The following GPATCH2 variants were observed in gnomAD, a reference collection of about 807,000 sequenced individuals.
The protein encoded by GPATCH2 is G patch domain-containing protein 2.
A neutral mutation model predicts 58.0 loss-of-function variants in GPATCH2; 51 were observed. The observed-to-expected ratio is 0.88, with a 90% CI of 0.70 to 1.11. The LOEUF (loss-of-function observed/expected upper bound fraction) is 1.11, where lower values mean the gene tolerates loss of function less well. Ranked by LOEUF, GPATCH2 falls within the 50% of genes most tolerant of loss-of-function variation. GPATCH2 has a pLI of 0.00. For synonymous variants in GPATCH2, 222 were observed against 218.5 expected (o/e 1.02, Z -0.14); for missense variants, 625 against 652.2 (o/e 0.96, Z 0.45).
intron 5 of GPATCH2, among the ~76,000 whole-genome samples, chr1:217,601,030 C>T (rs1323844343): frequency 6.6e-6 from 1 of 151,950 alleles, no homozygotes; most frequent in South Asian, 2.1e-4. Flanking sequence ...TATGCAAATA[C>T]TAAAGTGAGA....
chr1:217,501,049 C>G (rs1662275589), intron 6 of GPATCH2, among the ~76,000 whole-genome samples: 1 of 152,112 alleles, frequency 6.6e-6, no homozygotes, highest in South Asian at 2.1e-4. Context: ...TTTATTACTA[C>G]AACGATCCTT....
At chr1:217,565,858 T>G (rs1025309571) in intron 5 of GPATCH2, among the ~76,000 whole-genome samples, 1 of 152,108 alleles carries the variant, frequency 6.6e-6, no homozygotes, top group African/African-American at 2.4e-5. Context: ...TCCCAGCAGT[T>G]TGGGAGGCCC....
chr1:217,494,092 T>C (rs988262970), intron 7 of GPATCH2, among the ~76,000 whole-genome samples: 4 of 152,220 alleles, frequency 2.6e-5, no homozygotes, highest in Non-Finnish European at 4.4e-5. Flanking sequence ...TTAAATGAGA[T>C]AGCACCCTCT....
chr1:217,432,813 C>T (rs1571689768), intron 9 of GPATCH2, among the ~76,000 whole-genome samples: 1 of 152,270 alleles, frequency 6.6e-6, no homozygotes, highest in East Asian at 1.9e-4. Flanking sequence ...ATATTCGGCC[C>T]AGTCCAATCT....
rs568325918 is a variant in GPATCH2, at chr1:217,535,655, T to G, written c.1099-20766A>C. Among the ~76,000 whole-genome samples, 50 of 152,248 alleles carry G rather than the reference T, an allele frequency of 3.3e-4. No individual in the cohort carries two copies. The South Asian group carries it at 9.9e-3, about 30-fold the overall frequency. ...CGTGAGCCACTGCGCCCGGCCAAGT[T>G]AATGTACAAGATTGTTTTAAGTAAA... On this transcript the variant is annotated intron_variant, in intron 5 of 9. Coordinates refer to ENST00000366935, the MANE Select transcript of GPATCH2 (RefSeq NM_018040.5).
chr1:217,479,252 T>C (rs1253558374), intron 8 of GPATCH2, among the ~76,000 whole-genome samples: 1 of 152,126 alleles, frequency 6.6e-6, no homozygotes, highest in Non-Finnish European at 1.5e-5. Context: ...ACACTGTAAT[T>C]ATGATGTCTA....
intron 9 of GPATCH2, among the ~76,000 whole-genome samples, chr1:217,445,287 T>C (rs180966236): frequency 3.7e-4 from 56 of 152,264 alleles, no homozygotes; most frequent in African/African-American, 1.1e-3. Context: ...TGAATTTTCA[T>C]ACTGTACAGT....
At chr1:217,516,109 T>C (rs554311712) in intron 5 of GPATCH2, among the ~76,000 whole-genome samples, 2 of 152,110 alleles carry the variant, frequency 1.3e-5, no homozygotes, top group African/African-American at 4.8e-5. Flanking sequence ...TTTCACAACT[T>C]TCTTATCATA....
intron 5 of GPATCH2, among the ~76,000 whole-genome samples, chr1:217,529,880 G>C (rs1471232252): frequency 6.6e-6 from 1 of 152,166 alleles, no homozygotes; most frequent in Admixed American, 6.5e-5. Flanking sequence ...CTCATGAATA[G>C]AGGAATTATC....
In GPATCH2 at chr1:217,428,763, A is replaced by C. The variant is rs1237680606; in HGVS notation, c.*2382T>G. ...TGTCTTCTATTAGCTGAAAATACAAAGAAGAATTTTTTTAGGTGTTAGAGA... is the reference window on the plus strand; with the variant it reads ...TGTCTTCTATTAGCTGAAAATACAACGAAGAATTTTTTTAGGTGTTAGAGA... On this transcript the variant is annotated 3_prime_UTR_variant, in exon 10 of 10. Coordinates refer to ENST00000366935, the MANE Select transcript of GPATCH2 (RefSeq NM_018040.5). 6.6e-6 allele frequency: 1 copy of C among 152,216 alleles called. No homozygotes were observed. Among genetic ancestry groups the C allele is most frequent in the Non-Finnish European group, 1.5e-5 (1 of 68,028 alleles). The allele number at this position is 152,216 out of a possible 1,614,324, so 9.4% of individuals were successfully genotyped here. A position where few individuals can be genotyped will look rare whatever the true frequency, so the allele number is the denominator to read the frequency against.
In GPATCH2 at chr1:217,620,258, T is replaced by C. The variant is rs780305119; in HGVS notation, c.298A>G (p.Ser100Gly). 5.0e-6 allele frequency: 8 copies of C among 1,613,968 alleles called. No homozygotes were observed. In the South Asian group the frequency reaches 7.7e-5, roughly 16 times the overall value. ...EGSDSSLEEP[S>G]KDYRENHNNN... The stretch of plus-strand genomic sequence containing the variant: ...TTGTGATTCTCTCTATAGTCCTTGC[T>C]TGGTTCTTCTAAACTAGAATCAGAG... Residue 100 changes from serine to glycine, a missense_variant, in exon 2 of 10, where the codon AGC (serine) becomes GGC (glycine). By Grantham distance (56) the Ser-to-Gly change is moderately conservative (BLOSUM62 0). Transcript: ENST00000366935.
At chr1:217,528,102 G>T (rs1558460896) in intron 5 of GPATCH2, among the ~76,000 whole-genome samples, 1 of 152,080 alleles carries the variant, frequency 6.6e-6, no homozygotes, top group Non-Finnish European at 1.5e-5. Context: ...AATCAAAAGG[G>T]TATATATATT....
intron 5 of GPATCH2, among the ~76,000 whole-genome samples, chr1:217,554,659 T>G (rs1665533698): frequency 6.6e-6 from 1 of 152,210 alleles, no homozygotes; most frequent in African/African-American, 2.4e-5. Context: ...CAAACTAGTC[T>G]AACTGTAAAT....
chr1:217,485,997 A>C (rs1661436985), intron 8 of GPATCH2, among the ~76,000 whole-genome samples: 1 of 152,176 alleles, frequency 6.6e-6, no homozygotes, highest in East Asian at 1.9e-4. Context: ...TTTCTTGTTG[A>C]AAGTTGTTTG....
At chr1:217,437,349 AC>A (rs1214996915) in intron 9 of GPATCH2, among the ~76,000 whole-genome samples, 1 of 151,864 alleles carries the variant, frequency 6.6e-6, no homozygotes, top group Non-Finnish European at 1.5e-5. Context: ...TTTTTTTCAT[AC>A]CCCAGTGGCA....
At chr1:217,443,567 C>T (rs1225847336) in intron 9 of GPATCH2, among the ~76,000 whole-genome samples, 1 of 151,888 alleles carries the variant, frequency 6.6e-6, no homozygotes, top group African/African-American at 2.4e-5. Flanking sequence ...TCATGTTTTC[C>T]TTCCATTCTA....
chr1:217,586,370 T>TG (rs1172605436), intron 5 of GPATCH2, among the ~76,000 whole-genome samples: 37 of 152,150 alleles, frequency 2.4e-4, no homozygotes, highest in Admixed American at 2.4e-3. Flanking sequence ...TATACCTTTT[T>TG]TTTTTAACTT....
At chr1:217,499,906 A>C (rs1662213274) in intron 6 of GPATCH2, among the ~76,000 whole-genome samples, 2 of 152,132 alleles carry the variant, frequency 1.3e-5, no homozygotes, top group Admixed American at 1.3e-4. Context: ...TTTTGTGTTT[A>C]ATGCTATATT....
intron 8 of GPATCH2, among the ~76,000 whole-genome samples, chr1:217,470,737 C>G (rs1660689120): frequency 1.3e-5 from 2 of 151,946 alleles, no homozygotes; most frequent in African/African-American, 4.8e-5. Flanking sequence ...CCTTAAAAAC[C>G]ATTTTATGTT....
Sources: allele counts gnomAD v4.1 joint callset (sites outside exome capture counted in the v4.1 genomes callset), GRCh38; gene constraint gnomAD v4.1.1; transcripts MANE v1.5; gene names NCBI Gene and HGNC (gene_info 2026-07-23, HGNC 2026-07-21).